TXNDC5: variants seen among roughly 807,000 people sequenced by gnomAD.
TXNDC5 encodes the protein thioredoxin domain containing 5.
In TXNDC5, 44 loss-of-function variants were observed where a neutral mutation model predicts 52.6. The ratio of observed to expected loss-of-function variants is 0.84; its 90% CI spans 0.66 to 1.08. The LOEUF is 1.08. Among genes scored for constraint, TXNDC5 ranks in the 50% least tolerant of loss-of-function variants. The pLI is 0.00. For missense variants in TXNDC5, 600 were observed against 565.5 expected, an observed-to-expected ratio of 1.06 and a Z score of -0.62; for synonymous variants, 241 against 234.4, an observed-to-expected ratio of 1.03 and a Z score of -0.26.
At chr6:7,909,692 G>C (rs573583903) in intron 1 of TXNDC5, 90 of 837,910 alleles carry the variant, frequency 1.1e-4, no homozygotes, top group Admixed American at 1.9e-4. Flanking sequence ...TGAGCTGCAG[G>C]GGGGCGGAGG....
At chr6:7,888,587 CTG>C in intron 7 of TXNDC5, 116 bp downstream of exon 7, 2 of 1,314,858 alleles carry the variant, frequency 1.5e-6, no homozygotes, top group South Asian at 1.5e-5. Flanking sequence ...CATCAGATGA[CTG>C]TGTCCCCAAA....
intron 2 of TXNDC5, among the ~76,000 whole-genome samples, chr6:7,901,334 G>A (rs1760560217): frequency 6.6e-6 from 1 of 152,248 alleles, no homozygotes; most frequent in South Asian, 2.1e-4. Flanking sequence ...TCTGCCTCCC[G>A]CTAACGCTCT....
chr6:7,883,796 CAA>C (rs1454116467), intron 9 of TXNDC5, among the ~76,000 whole-genome samples: 1 of 152,026 alleles, frequency 6.6e-6, no homozygotes, highest in Non-Finnish European at 1.5e-5. Context: ...TAAAGGGCTC[CAA>C]AAGTGTCTGA....
chr6:7,904,075 T>C (rs150865942), intron 2 of TXNDC5, among the ~76,000 whole-genome samples: 67 of 152,316 alleles, frequency 4.4e-4, no homozygotes, highest in African/African-American at 1.6e-3. Context: ...AGAGAACAAT[T>C]CTATTTCTAG....
At chr6:7,896,258 A>G (rs443861) in intron 3 of TXNDC5, among the ~76,000 whole-genome samples, 98,545 of 151,960 alleles carry the variant, frequency 0.65, 32,435 homozygotes, top group East Asian at 0.87. Flanking sequence ...ACTAAGTCTC[A>G]TACAGAAAGA....
At chr6:7,909,893 G>A (rs1760857414) in intron 1 of TXNDC5, 2 of 985,932 alleles carry the variant, frequency 2.0e-6, no homozygotes, top group Non-Finnish European at 1.2e-6. Context: ...CGGTGGCCGC[G>A]GCAGCAGCAA....
intron 7 of TXNDC5, among the ~76,000 whole-genome samples, chr6:7,887,348 T>G (rs1428285049): frequency 6.6e-6 from 1 of 152,176 alleles, no homozygotes; most frequent in African/African-American, 2.4e-5. Flanking sequence ...GAACTGCCAC[T>G]GGACACTGCC....
chr6:7,888,453 T>C (rs902107915), intron 7 of TXNDC5, among the ~76,000 whole-genome samples: 3 of 152,186 alleles, frequency 2.0e-5, no homozygotes, highest in Non-Finnish European at 2.9e-5. Context: ...ACACCAAATA[T>C]TGTCTTGGGA....
At chr6:7,899,726 C>A in intron 2 of TXNDC5, 45 bp from the exon 3 acceptor site, 1 of 1,536,648 alleles carries the variant, frequency 6.5e-7, no homozygotes. Flanking sequence ...AGAAAGTTGT[C>A]TTATCAGAGA....
chr6:7,884,267 A>G, intron 9 of TXNDC5, 92 bp downstream of exon 9: 1 of 1,528,638 alleles, frequency 6.5e-7, no homozygotes, highest in East Asian at 2.3e-5. Context: ...TGAGAAGATG[A>G]GAGCAGAGTG....
intron 6 of TXNDC5, chr6:7,889,146 G>A (rs1236754417): frequency 1.8e-5 from 8 of 448,700 alleles, no homozygotes; most frequent in Non-Finnish European, 2.7e-5. Context: ...GCTGACCATC[G>A]GCCAGGGAAG....
chr6:7,909,904 G>C, intron 1 of TXNDC5: 2 of 986,084 alleles, frequency 2.0e-6, no homozygotes, highest in Non-Finnish European at 1.2e-6. Context: ...GCAGCAGCAA[G>C]GCCGCTCTGG....
Position 7,906,535 on chromosome 6 carries a change from C to CAAAAAAA in TXNDC5, c.264-1819_264-1813dup, listed in dbSNP as rs1207193194. 1.4e-3 allele frequency among the ~76,000 whole-genome samples: 61 copies of CAAAAAAA among 42,442 alleles called. 2 individuals are homozygous for CAAAAAAA. Among genetic ancestry groups the CAAAAAAA allele is most frequent in the South Asian group, 2.2e-3 (2 of 930 alleles). 27.8% of individuals were successfully genotyped at this position (42,442 alleles called of 152,430 possible). On this transcript the variant is annotated intron_variant, in intron 1 of 9. Coordinates refer to ENST00000379757, the MANE Select transcript of TXNDC5 (RefSeq NM_030810.5). ...TGGGCGATAGAGCAAGACTCCATCTCAAAAAAAAAAAAAAAAAAAAAAGAA... is the reference window on the plus strand; with the variant it reads ...TGGGCGATAGAGCAAGACTCCATCTCAAAAAAAAAAAAAAAAAAAAAAAAAAAAAGAA...
intron 4 of TXNDC5, among the ~76,000 whole-genome samples, chr6:7,893,851 G>C (rs1210135344): frequency 6.6e-6 from 1 of 152,172 alleles, no homozygotes; most frequent in Non-Finnish European, 1.5e-5. Flanking sequence ...TCTTCTAAGG[G>C]GATTTCTCTC....
intron 6 of TXNDC5, chr6:7,889,222 T>G: frequency 2.1e-6 from 1 of 467,498 alleles, no homozygotes; most frequent in East Asian, 3.4e-5. Flanking sequence ...GCCTGAAGGT[T>G]TGTGTTTACA....
At chr6:7,885,894 G>C (rs1759955198) in intron 8 of TXNDC5, 67 bp downstream of exon 8, 3 of 1,473,596 alleles carry the variant, frequency 2.0e-6, no homozygotes, top group Non-Finnish European at 2.8e-6. Flanking sequence ...GGTGGCAGAT[G>C]AGCTGAAAAA....
intron 4 of TXNDC5, 35 bp from the exon 5 acceptor site, chr6:7,891,771 G>C: frequency 1.4e-6 from 2 of 1,476,724 alleles, no homozygotes; most frequent in Non-Finnish European, 1.9e-6. Flanking sequence ...ACGGGGGAAA[G>C]AGGAACTGTA....
intron 9 of TXNDC5, among the ~76,000 whole-genome samples, chr6:7,883,820 GAAAA>G (rs1282405282): frequency 2.6e-5 from 4 of 151,950 alleles, no homozygotes; most frequent in Non-Finnish European, 5.9e-5. Flanking sequence ...TAACAAAGAA[GAAAA>G]AAAATGACAA....
At chr6:7,884,786 G>A (rs1274629969) in intron 8 of TXNDC5, among the ~76,000 whole-genome samples, 1 of 152,206 alleles carries the variant, frequency 6.6e-6, no homozygotes, top group Non-Finnish European at 1.5e-5. Context: ...TGTGCTAACT[G>A]GTTTATGAAA....
Sources: allele counts gnomAD v4.1 joint callset (sites outside exome capture counted in the v4.1 genomes callset), GRCh38; gene constraint gnomAD v4.1.1; transcripts MANE v1.5; gene names NCBI Gene and HGNC (gene_info 2026-07-23, HGNC 2026-07-21).